RC3H1: variants seen among roughly 807,000 people sequenced by gnomAD.
RC3H1 encodes the protein roquin-1.
Under a neutral mutation model 138.2 loss-of-function variants are expected in RC3H1, and 50 were observed. That is an observed-to-expected ratio of 0.36 (90% CI 0.29 to 0.46). The LOEUF is 0.46. Among genes scored for constraint, RC3H1 ranks in the 20% least tolerant of loss-of-function variants. RC3H1 has a pLI of 1.00. For synonymous variants in RC3H1, 462 were observed against 489.1 expected (o/e 0.94, Z 0.73); for missense variants, 1,031 against 1,388.1 (o/e 0.74, Z 4.09).
At chr1:173,964,613 C>T (rs1288798846) in intron 10 of RC3H1, among the ~76,000 whole-genome samples, 1 of 150,998 alleles carries the variant, frequency 6.6e-6, no homozygotes, top group East Asian at 1.9e-4. Flanking sequence ...GTGACCCGTC[C>T]ACCTCAGCCT....
In RC3H1 at chr1:173,961,779, C is replaced by A. The variant is rs753365642; in HGVS notation, c.2148G>T (p.Glu716Asp). 1.2e-6 allele frequency: 2 copies of A among 1,613,098 alleles called. No homozygotes were observed. The highest frequency in any genetic ancestry group is 1.7e-6 in the Non-Finnish European group (2 of 1,180,006). Residue 716 changes from glutamate (E) to aspartate (D), a missense_variant, in exon 12 of 20, where the codon GAG (glutamate) becomes GAT (aspartate). Transcript: ENST00000367696. ...PESRERYQQI[E>D]SYYPVAPHPT... is the part of the protein sequence containing the mutation. Reference sequence around the variant, plus strand: ...GATGAGGAGCCACTGGATAGTAACTCTCGATCTGTTGGTATCTTTCTCTGG... The same window carrying A: ...GATGAGGAGCCACTGGATAGTAACTATCGATCTGTTGGTATCTTTCTCTGG...
intron 2 of RC3H1, among the ~76,000 whole-genome samples, chr1:173,985,575 C>T (rs1233946611): frequency 1.3e-5 from 2 of 149,894 alleles, no homozygotes; most frequent in South Asian, 2.1e-4. Flanking sequence ...TACAATGTGA[C>T]GATGTGAGAT....
Position 173,983,512 on chromosome 1 carries a change from A to G in RC3H1, c.498T>C (p.Val166=). ...TCTGGTGCTGGAGAATGAGCTCTGT[A>G]ACTGTTCGTTCACCTAAAGATCGAG... ...RAARSLGERT[V]TELILQHQNP... The change falls in exon 4 of 20, where the codon GTT becomes GTC. Residue 166 remains valine (V), a synonymous_variant. Transcript: ENST00000367696. The G allele has an allele frequency of 6.2e-7, 1 of 1,614,196 alleles. No individual in the cohort carries two copies. The highest frequency in any genetic ancestry group is 8.5e-7 in the Non-Finnish European group (1 of 1,180,036).
At chr1:173,945,146 C>CA (rs1257053895) in intron 17 of RC3H1, among the ~76,000 whole-genome samples, 1 of 140,246 alleles carries the variant, frequency 7.1e-6, no homozygotes, top group Non-Finnish European at 1.5e-5. Flanking sequence ...TTTTTTGAGA[C>CA]AGAGTCTCAC....
chr1:173,956,720 C>T (rs1659666215), intron 13 of RC3H1, among the ~76,000 whole-genome samples: 1 of 145,478 alleles, frequency 6.9e-6, no homozygotes, highest in Non-Finnish European at 1.5e-5. Flanking sequence ...ATCCCATAAA[C>T]TTGTACAATT....
rs1658386500 is a variant in RC3H1 at position 173,931,714 on chromosome 1, G to A, written c.*7007C>T. 1 of 152,264 alleles carries A rather than the reference G, an allele frequency of 6.6e-6. No individual in the cohort carries two copies. Among genetic ancestry groups the A allele is most frequent in the Admixed American group, 6.5e-5 (1 of 15,308 alleles). The allele number at this position is 152,264 out of a possible 1,614,324, so 9.4% of individuals were successfully genotyped here. ...TCCAAAAGAACTCTCAGGAGATAAG[G>A]TCTTCAAATAAGACTTCACGGTTTG... On this transcript the variant is annotated 3_prime_UTR_variant, in exon 20 of 20. Coordinates refer to ENST00000367696, the MANE Select transcript of RC3H1 (RefSeq NM_172071.4).
chr1:173,977,167 G>A (rs923152173), intron 7 of RC3H1, among the ~76,000 whole-genome samples: 2 of 151,848 alleles, frequency 1.3e-5, no homozygotes, highest in African/African-American at 2.4e-5. Flanking sequence ...CTCGTGATCC[G>A]CCCGCCTCGG....
At chr1:173,989,888 G>A (rs1389017489) in intron 2 of RC3H1, among the ~76,000 whole-genome samples, 21 of 149,940 alleles carry the variant, frequency 1.4e-4, no homozygotes, top group African/African-American at 3.9e-4. Context: ...CACCGCGCCC[G>A]GCTAATTTTT....
Position 173,970,505 on chromosome 1 carries a change from T to C in RC3H1, c.1334A>G (p.Lys445Arg). The C allele has an allele frequency of 6.2e-7, 1 of 1,605,962 alleles. No homozygotes were observed. The change falls in exon 9 of 20, where the codon AAA becomes AGA. Residue 445 changes from lysine (K) to arginine (R), a missense_variant and splice_region_variant. Transcript: ENST00000367696. Reference sequence around the variant, plus strand: ...AAAGTCTCCTGACTTTCACACTTACTTTTCCAGTTCCTCCTGTGAGTGTGC... The same window carrying C: ...AAAGTCTCCTGACTTTCACACTTACCTTTCCAGTTCCTCCTGTGAGTGTGC... ...TFAHSQEELE[K>R]FRKMNKRLVP...
At position 173,932,004 on chromosome 1, in the gene RC3H1, G is replaced by A. The variant is rs1330116513; in HGVS notation, c.*6717C>T. The A allele has an allele frequency of 6.6e-6, 1 of 151,840 alleles. No homozygotes were observed. The highest frequency in any genetic ancestry group is 2.1e-4 in the South Asian group (1 of 4,820). 9.4% of individuals were successfully genotyped at this position (151,840 alleles called of 1,614,324 possible). ...AAAATGCAAGAAAACTTTAAAAAATGGTAAGTCTACCACTGATTTATAAGA... is the reference window on the plus strand; with the variant it reads ...AAAATGCAAGAAAACTTTAAAAAATAGTAAGTCTACCACTGATTTATAAGA... On this transcript the variant is annotated 3_prime_UTR_variant, in exon 20 of 20. Transcript: ENST00000367696.
At chr1:173,946,375 T>G (rs142215220) in intron 17 of RC3H1, 101 bp downstream of exon 17, 1 of 1,045,546 alleles carries the variant, frequency 9.6e-7, no homozygotes, top group Non-Finnish European at 1.4e-6. Context: ...TCCTAAGAAA[T>G]AGACCTTAAA....
chr1:173,936,065 C>T lies in RC3H1; in HGVS notation c.*2656G>A, dbSNP rs1220661852. The T allele has an allele frequency of 6.6e-6, 1 of 152,104 alleles. No individual in the cohort carries two copies. The highest frequency in any genetic ancestry group is 1.5e-5 in the Non-Finnish European group (1 of 68,014). 9.4% of individuals were successfully genotyped at this position (152,104 alleles called of 1,614,324 possible). A position where few individuals can be genotyped will look rare whatever the true frequency, so the allele number is the denominator to read the frequency against. On this transcript the variant is annotated 3_prime_UTR_variant, in exon 20 of 20. Coordinates refer to ENST00000367696, the MANE Select transcript of RC3H1 (RefSeq NM_172071.4). Reference sequence around the variant, plus strand: ...AACAGGAATACTGTATAAATTAATCCCTGCTCCTGCCTACTTCACAGAATC... The same window carrying T: ...AACAGGAATACTGTATAAATTAATCTCTGCTCCTGCCTACTTCACAGAATC...
chr1:173,966,212 C>T (rs1425450726), intron 9 of RC3H1, among the ~76,000 whole-genome samples: 1 of 151,990 alleles, frequency 6.6e-6, no homozygotes. Flanking sequence ...GTTATGTATG[C>T]CAATACAAAA....
At position 174,022,349 on chromosome 1, in the gene RC3H1, C is replaced by CTCGTTG; in HGVS notation, c.-410_-405dup. On this transcript the variant is annotated 5_prime_UTR_variant, in exon 1 of 20. Transcript: ENST00000367696. This position sits in a 1 kb window ranked among gnomAD's most constrained non-coding sequence, Gnocchi z 4.2. ...CTCCTCGTCCTCCGCCGCCCAGTCGCTCGTTGTCCTCGTCCCCTTCCTCTT... is the reference window on the plus strand; with the variant it reads ...CTCCTCGTCCTCCGCCGCCCAGTCGCTCGTTGTCGTTGTCCTCGTCCCCTTCCTCTT... 1 of 378,290 alleles carries CTCGTTG rather than the reference C, an allele frequency of 2.6e-6. No individual in the cohort carries two copies. Among genetic ancestry groups the CTCGTTG allele is most frequent in the Non-Finnish European group, 4.7e-6 (1 of 213,362 alleles). The allele number at this position is 378,290 out of a possible 1,614,324, so 23.4% of individuals were successfully genotyped here. A position where few individuals can be genotyped will look rare whatever the true frequency, so the allele number is the denominator to read the frequency against.
intron 14 of RC3H1, among the ~76,000 whole-genome samples, chr1:173,949,774 T>C (rs1328337199): frequency 1.3e-5 from 2 of 152,178 alleles, no homozygotes; most frequent in Admixed American, 1.3e-4. Flanking sequence ...AGATCAGAAA[T>C]AGCCTAAATG....
chr1:173,999,568 G>GT (rs762887021), intron 1 of RC3H1, among the ~76,000 whole-genome samples: 1 of 152,186 alleles, frequency 6.6e-6, no homozygotes, highest in Non-Finnish European at 1.5e-5. Flanking sequence ...GAGCATCGAT[G>GT]TTTAAGTATG....
chr1:174,003,385 TCACACACACACACA>T (rs3220994), intron 1 of RC3H1, among the ~76,000 whole-genome samples: 1 of 143,224 alleles, frequency 7.0e-6, no homozygotes, highest in South Asian at 2.3e-4. Flanking sequence ...AAGACTCCTA[TCACACACACACACA>T]CACACACACA....
chr1:173,988,075 C>G (rs567942888), intron 2 of RC3H1, among the ~76,000 whole-genome samples: 1 of 152,188 alleles, frequency 6.6e-6, no homozygotes, highest in African/African-American at 2.4e-5. Flanking sequence ...CTCCTACACC[C>G]CTTTAGTGAA....
intron 1 of RC3H1, among the ~76,000 whole-genome samples, chr1:173,994,633 T>C (rs1405817150): frequency 6.7e-6 from 1 of 149,980 alleles, no homozygotes; most frequent in African/African-American, 2.5e-5. Context: ...ACCCTGTCTC[T>C]ACAAAAATTA....
Sources: gnomAD v4.1 joint callset for allele counts (sites outside exome capture counted in the v4.1 genomes callset) on GRCh38, gnomAD v4.1.1 for gene constraint, Gnocchi (gnomAD v3.1) non-coding constraint, MANE v1.5 for transcripts, NCBI Gene and HGNC (gene_info 2026-07-23, HGNC 2026-07-21) for gene names.